Variants in SLC17A8 observed in about 807,000 individuals in gnomAD.
SLC17A8 encodes vesicular glutamate transporter 3.
SLC17A8 carries 31 observed loss-of-function variants against 58.0 expected under a neutral mutation model. That is an observed-to-expected ratio of 0.53 (90% CI 0.40 to 0.72). SLC17A8 has a LOEUF of 0.72. Among genes scored for constraint, SLC17A8 ranks in the 30% least tolerant of loss-of-function variants. The probability of loss-of-function intolerance (pLI) is 0.00; values close to 1 mark genes in which losing one functional copy is unlikely to be tolerated. For synonymous variants in SLC17A8, 228 were observed against 249.0 expected, an observed-to-expected ratio of 0.92 and a Z score of 0.79; for missense variants, 655 against 727.8, an observed-to-expected ratio of 0.90 and a Z score of 1.15.
chr12:100,411,846 G>GT lies in SLC17A8; in HGVS notation c.1187-910dup, dbSNP rs3057179. Reference sequence around the variant, plus strand: ...TGTGCAAAATTCTCATGTATTGTTTGTTTTTTTTTTTTTTAAGAGGCCTGA... The same window carrying GT: ...TGTGCAAAATTCTCATGTATTGTTTGTTTTTTTTTTTTTTTAAGAGGCCTGA... On this transcript the variant is annotated intron_variant, in intron 9 of 11. Transcript: ENST00000323346. Among the ~76,000 whole-genome samples the GT allele has an allele frequency of 2.2e-3, 316 of 142,764 alleles. 1 individual carries two copies. Among genetic ancestry groups the GT allele is most frequent in the Middle Eastern group, 0.018 (5 of 276 alleles). The allele number at this position is 142,764 out of a possible 152,430, so 93.7% of individuals were successfully genotyped here. A position where few individuals can be genotyped will look rare whatever the true frequency, so the allele number is the denominator to read the frequency against.
chr12:100,404,928 T>A (rs1023609126), intron 9 of SLC17A8, among the ~76,000 whole-genome samples: 2 of 152,204 alleles, frequency 1.3e-5, no homozygotes, highest in Non-Finnish European at 2.9e-5. Context: ...CGGCTACCCC[T>A]CTGGAGGACT....
intron 1 of SLC17A8, among the ~76,000 whole-genome samples, chr12:100,376,646 C>T (rs1462598113): frequency 6.6e-6 from 1 of 152,106 alleles, no homozygotes; most frequent in Non-Finnish European, 1.5e-5. Flanking sequence ...TATTAATGAT[C>T]AAATAAGAGA....
chr12:100,407,545 A>G (rs540893887), intron 9 of SLC17A8, among the ~76,000 whole-genome samples: 1 of 152,228 alleles, frequency 6.6e-6, no homozygotes, highest in South Asian at 2.1e-4. Flanking sequence ...ATCTTTAAAA[A>G]ATACCTCTTC....
intron 1 of SLC17A8, among the ~76,000 whole-genome samples, chr12:100,372,971 C>T (rs897478078): frequency 1.1e-4 from 16 of 152,138 alleles, no homozygotes; most frequent in East Asian, 7.7e-4. Context: ...AAACCTTTTC[C>T]GCAATTAGTG....
chr12:100,372,274 T>C (rs1952563889), intron 1 of SLC17A8, among the ~76,000 whole-genome samples: 1 of 152,200 alleles, frequency 6.6e-6, no homozygotes, highest in South Asian at 2.1e-4. Context: ...AGATATTGCC[T>C]TCTTGCTATG....
intron 1 of SLC17A8, among the ~76,000 whole-genome samples, chr12:100,373,695 C>A (rs1952574771): frequency 1.3e-5 from 2 of 150,730 alleles, no homozygotes; most frequent in African/African-American, 4.9e-5. Context: ...AGAGATTCTC[C>A]TGCCTCAGCC....
chr12:100,371,232 C>G (rs914211519), intron 1 of SLC17A8, among the ~76,000 whole-genome samples: 1 of 152,200 alleles, frequency 6.6e-6, no homozygotes, highest in Non-Finnish European at 1.5e-5. Flanking sequence ...GTAGTCCCAT[C>G]TTCCTTTCAT....
Position 100,420,387 on chromosome 12 carries a change from A to C in SLC17A8, c.*228A>C, listed in dbSNP as rs1445047747. 2 of 511,386 alleles carry C rather than the reference A, an allele frequency of 3.9e-6. No homozygotes were observed. Among genetic ancestry groups the C allele is most frequent in the Non-Finnish European group, 7.0e-6 (2 of 285,352 alleles). 31.7% of individuals were successfully genotyped at this position (511,386 alleles called of 1,614,324 possible). ...TACATATTTTTTGAATTGACAGTTG[A>C]CCCTTCTCTCAAAGAGCTAAACTTA... On this transcript the variant is annotated 3_prime_UTR_variant, in exon 12 of 12. Coordinates refer to ENST00000323346, the MANE Select transcript of SLC17A8 (RefSeq NM_139319.3).
At chr12:100,395,395 A>G (rs866373724) in intron 4 of SLC17A8, among the ~76,000 whole-genome samples, 1 of 149,794 alleles carries the variant, frequency 6.7e-6, no homozygotes, top group African/African-American at 2.5e-5. Flanking sequence ...GTGTGATCTC[A>G]GCTCACTGCA....
intron 9 of SLC17A8, among the ~76,000 whole-genome samples, chr12:100,411,006 G>C (rs1952863752): frequency 6.6e-6 from 1 of 152,136 alleles, no homozygotes; most frequent in African/African-American, 2.4e-5. Flanking sequence ...ACTTGTTCAA[G>C]GTCACAAAAT....
At chr12:100,410,021 TA>T (rs1952855405) in intron 9 of SLC17A8, among the ~76,000 whole-genome samples, 1 of 152,196 alleles carries the variant, frequency 6.6e-6, no homozygotes, top group Non-Finnish European at 1.5e-5. Flanking sequence ...AAGACAGTGG[TA>T]TTGAGAATGC....
At position 100,357,412 on chromosome 12, in the gene SLC17A8, T is replaced by C. The variant is rs1952454099; in HGVS notation, c.21T>C (p.Asp7=). The part of the protein sequence containing the change: MPFKAF[D]TFKEKILKPG... The stretch of plus-strand genomic sequence containing the variant: ...TCAAAATGCCTTTTAAAGCATTTGA[T>C]ACCTTCAAAGAAAAAATTCTGAAAC... Residue 7 remains aspartate, a synonymous_variant, in exon 1 of 12, where the codon GAT becomes GAC. Transcript: ENST00000323346. 3 of 1,611,686 alleles carry C rather than the reference T, an allele frequency of 1.9e-6. No homozygotes were observed. The highest frequency in any genetic ancestry group is 2.2e-5 in the East Asian group (1 of 44,866).
At chr12:100,381,287 T>C (rs989920203) in intron 2 of SLC17A8, among the ~76,000 whole-genome samples, 1 of 152,176 alleles carries the variant, frequency 6.6e-6, no homozygotes, top group African/African-American at 2.4e-5. Flanking sequence ...GGAGAGTGGC[T>C]ACTTGTGCTG....
intron 2 of SLC17A8, among the ~76,000 whole-genome samples, chr12:100,382,838 T>A (rs1952647046): frequency 6.6e-6 from 1 of 152,214 alleles, no homozygotes; most frequent in Non-Finnish European, 1.5e-5. Context: ...AAAATTTGAT[T>A]TCAATCTGTC....
At chr12:100,392,668 G>T (rs984833477) in intron 3 of SLC17A8, among the ~76,000 whole-genome samples, 3 of 152,120 alleles carry the variant, frequency 2.0e-5, no homozygotes, top group African/African-American at 7.2e-5. Flanking sequence ...CATAAAAAGA[G>T]TGGAAACATC....
At chr12:100,396,242 A>G in intron 4 of SLC17A8, 88 bp from the exon 5 acceptor site, 1 of 1,031,470 alleles carries the variant, frequency 9.7e-7, no homozygotes, top group East Asian at 2.4e-5. Context: ...TTTATATTGT[A>G]GCCTGTGTGA....
At chr12:100,404,925 C>T (rs563558939) in intron 9 of SLC17A8, among the ~76,000 whole-genome samples, 12 of 152,162 alleles carry the variant, frequency 7.9e-5, no homozygotes, top group Non-Finnish European at 1.2e-4. Context: ...TTGCGGCTAC[C>T]CCTCTGGAGG....
intron 3 of SLC17A8, among the ~76,000 whole-genome samples, 173 bp downstream of exon 3, chr12:100,391,292 T>C (rs958885340): frequency 5.3e-5 from 8 of 152,130 alleles, no homozygotes; most frequent in African/African-American, 1.9e-4. Context: ...TTTATTTTTA[T>C]TTTTATTTTT....
intron 1 of SLC17A8, among the ~76,000 whole-genome samples, chr12:100,368,686 C>T (rs1007593548): frequency 4.6e-5 from 7 of 152,154 alleles, no homozygotes; most frequent in African/African-American, 1.7e-4. Context: ...CTTTTCTTAG[C>T]TCAAAAGTGT....
Sources: gnomAD v4.1 joint callset for allele counts (sites outside exome capture counted in the v4.1 genomes callset) on GRCh38, gnomAD v4.1.1 for gene constraint, MANE v1.5 for transcripts, NCBI Gene and HGNC (gene_info 2026-07-23, HGNC 2026-07-21) for gene names.